The following PER2 variants were observed in gnomAD, a reference collection of about 807,000 sequenced individuals.
PER2 encodes period circadian regulator 2, also known as period circadian protein homolog 2.
PER2 carries 66 observed loss-of-function variants against 121.0 expected under a neutral mutation model. The observed-to-expected ratio is 0.55, with a 90% CI of 0.45 to 0.67. The LOEUF (loss-of-function observed/expected upper bound fraction) is 0.67, where lower values mean the gene tolerates loss of function less well. Among genes scored for constraint, PER2 ranks in the 30% least tolerant of loss-of-function variants. The pLI, the probability that PER2 is intolerant of heterozygous loss-of-function variation, is 0.00. For synonymous variants in PER2, 684 were observed against 659.9 expected, an observed-to-expected ratio of 1.04 and a Z score of -0.56; for missense variants, 1,521 against 1,635.0, an observed-to-expected ratio of 0.93 and a Z score of 1.20.
chr2:238,255,519 C>G, intron 18 of PER2, 138 bp downstream of exon 18: 1 of 901,426 alleles, frequency 1.1e-6, no homozygotes, highest in South Asian at 1.3e-5. Flanking sequence ...ATGGCGTTGC[C>G]AGGGAAGTTC....
chr2:238,250,519 C>A (rs1342632796), intron 21 of PER2, 32 bp downstream of exon 21: 1 of 1,542,344 alleles, frequency 6.5e-7, no homozygotes, highest in Non-Finnish European at 8.9e-7. Flanking sequence ...CCCATCCCTC[C>A]CCAGGTGCCT....
In PER2 at chr2:238,268,086, G is replaced by A. The variant is rs776352557; in HGVS notation, c.937C>T (p.Leu313=). ...TAACCAGAGTGCACTCTCTCTGCCA[G>A]CAGAAGGCAGCAAAGCTGACTCTCA... ...GAESQLCCLL[L]AERVHSGYEA... The change falls in exon 8 of 23, where the codon CTG becomes TTG. Residue 313 remains leucine, a synonymous_variant. Coordinates refer to ENST00000254657, the MANE Select transcript of PER2 (RefSeq NM_022817.3). The surrounding 1 kb of genome is among the most constrained non-coding windows in gnomAD (Gnocchi z 4.0). 19 of 1,613,976 alleles carry A rather than the reference G, an allele frequency of 1.2e-5. No individual in the cohort carries two copies. The highest frequency in any genetic ancestry group is 1.6e-5 in the Non-Finnish European group (19 of 1,180,020).
intron 1 of PER2, among the ~76,000 whole-genome samples, chr2:238,283,121 G>A (rs1050129807): frequency 6.6e-6 from 1 of 152,248 alleles, no homozygotes. Context: ...GGATAGGAGG[G>A]AGAGCTCGCT....
chr2:238,294,548 C>A (rs190026330), upstream of PER2, among the ~76,000 whole-genome samples: 1 of 152,358 alleles, frequency 6.6e-6, no homozygotes, highest in Admixed American at 6.5e-5. Flanking sequence ...AGGCATCACG[C>A]TTGGCGCTTG....
chr2:238,246,327 C>T lies in PER2; in HGVS notation c.*48G>A, dbSNP rs1030609497. The stretch of plus-strand genomic sequence containing the variant: ...ATGAAGATCTTTCATCTCTTCCAAG[C>T]ACCACCTGGTGTACCTCGCTGGCTG... On this transcript the variant is annotated 3_prime_UTR_variant, in exon 23 of 23. Coordinates refer to ENST00000254657, the MANE Select transcript of PER2 (RefSeq NM_022817.3). The T allele has an allele frequency of 2.8e-6, 4 of 1,451,642 alleles. No individual in the cohort carries two copies. The Admixed American group carries it at 8.9e-5, about 32-fold the overall frequency. 89.9% of individuals were successfully genotyped at this position (1,451,642 alleles called of 1,614,324 possible).
Position 238,253,482 on chromosome 2 carries a change from G to T in PER2, c.2541C>A (p.Pro847=). Reference sequence around the variant, plus strand: ...GTGAATAAGCTGCTGGCACTGGGGCGGGAAAGGGCACGGCTGGGCAGCTGG... The same window carrying T: ...GTGAATAAGCTGCTGGCACTGGGGCTGGAAAGGGCACGGCTGGGCAGCTGG... The part of the protein sequence containing the change: ...SQSSCPAVPF[P]APVPAAYSLP... The change falls in exon 19 of 23, where the codon CCC becomes CCA. Residue 847 remains proline (P), a synonymous_variant. Coordinates refer to ENST00000254657, the MANE Select transcript of PER2 (RefSeq NM_022817.3). This position sits in a 1 kb window ranked among gnomAD's most constrained non-coding sequence, Gnocchi z 5.6. The T allele has an allele frequency of 6.2e-7, 1 of 1,612,808 alleles. No homozygotes were observed. The highest frequency in any genetic ancestry group is 8.5e-7 in the Non-Finnish European group (1 of 1,179,554).
At chr2:238,249,630 G>C (rs2106363841) in intron 21 of PER2, among the ~76,000 whole-genome samples, 1 of 152,302 alleles carries the variant, frequency 6.6e-6, no homozygotes, top group Non-Finnish European at 1.5e-5. Context: ...TTAGGGGTTT[G>C]ATATGGTTTG....
intron 10 of PER2, 58 bp downstream of exon 10, chr2:238,262,894 C>A: frequency 1.7e-6 from 2 of 1,210,894 alleles, no homozygotes; most frequent in Non-Finnish European, 2.4e-6. Context: ...GAAGCAGCCC[C>A]AAGGACACAG....
rs55704277 is a variant in PER2, at chr2:238,253,541, C to T, written c.2482G>A (p.Ala828Thr). ...GTGTCTGAGGGTGACCAGGCTGTGG[C>T]GTTCAAGCCCACCAGCGGGGGCCGG... is the stretch of plus-strand genomic sequence containing the variant. Reference protein sequence around the residue: ...SARPPLVGLNATAWSPSDTSQ... With the variant: ...SARPPLVGLNTTAWSPSDTSQ... Residue 828 changes from alanine to threonine, a missense_variant, in exon 19 of 23, where the codon GCC becomes ACC. By Grantham distance (58) the Ala-to-Thr change is moderately conservative. Transcript: ENST00000254657. This position sits in a 1 kb window ranked among gnomAD's most constrained non-coding sequence, Gnocchi z 5.6. The T allele has an allele frequency of 5.9e-3, 9,499 of 1,611,014 alleles. 484 individuals are homozygous for T. In the African/African-American group the frequency reaches 0.11, roughly 19 times the overall value.
intron 9 of PER2, among the ~76,000 whole-genome samples, chr2:238,264,014 G>T (rs1270498597): frequency 6.6e-6 from 1 of 151,198 alleles, no homozygotes; most frequent in Non-Finnish European, 1.5e-5. Flanking sequence ...CAGAAAGGGG[G>T]TGGAGGGTGA....
Position 238,266,157 on chromosome 2 carries a change from C to T in PER2, c.968-567G>A, listed in dbSNP as rs745962260. 9.3e-4 allele frequency among the ~76,000 whole-genome samples: 142 copies of T among 152,326 alleles called. 2 individuals are homozygous for T. Among genetic ancestry groups the T allele is most frequent in the Admixed American group, 6.1e-3 (94 of 15,304 alleles). On this transcript the variant is annotated intron_variant, in intron 8 of 22. Transcript: ENST00000254657. ...TGACCTCGTGATCCGCCCACCTTGGCCTCCCAAAGTGCTGGGACTACAGGC... is the reference window on the plus strand; with the variant it reads ...TGACCTCGTGATCCGCCCACCTTGGTCTCCCAAAGTGCTGGGACTACAGGC...
In PER2 at chr2:238,273,206, G is replaced by T. The variant is rs1220394065; in HGVS notation, c.449-15C>A. The T allele has an allele frequency of 2.5e-6, 4 of 1,610,872 alleles. No individual in the cohort carries two copies. In the South Asian group the frequency reaches 4.4e-5, roughly 18 times the overall value. On this transcript the variant is annotated splice_polypyrimidine_tract_variant and intron_variant, in intron 4 of 22. Transcript: ENST00000254657. ...CTCTTCATTGGCTGCAGGAGAGACA[G>T]TGTTCACTCAGTGGGCAGAACCCAG...
At position 238,273,060 on chromosome 2, in the gene PER2, A is replaced by T. The variant is rs1274740129; in HGVS notation, c.570+10T>A. On this transcript the variant is annotated intron_variant, in intron 5 of 22. Transcript: ENST00000254657. ...CATTTTAGAAAGAAACTTTGCGGAA[A>T]GAGGCTTACGGCATTCTTCACAATG... is the stretch of plus-strand genomic sequence containing the variant. 6.2e-7 allele frequency: 1 copy of T among 1,614,004 alleles called. No individual in the cohort carries two copies. Among genetic ancestry groups the T allele is most frequent in the East Asian group, 2.2e-5 (1 of 44,900 alleles).
intron 10 of PER2, 86 bp from the exon 11 acceptor site, chr2:238,262,430 C>T (rs1185643116): frequency 7.3e-7 from 1 of 1,366,990 alleles, no homozygotes; most frequent in African/African-American, 1.4e-5. Context: ...GTCACTCAGG[C>T]CCAGGATCAT....
At position 238,260,000 on chromosome 2, in the gene PER2, T is replaced by C. The variant is rs755879502; in HGVS notation, c.1596A>G (p.Glu532=). The part of the protein sequence containing the change: ...KTKNRSHYSH[E]SGEQKKKSVT... The stretch of plus-strand genomic sequence containing the variant: ...CGGATTTTTTCTTTTGTTCTCCAGA[T>C]TCATGAGAATAATGACTTCTATTTT... The change falls in exon 14 of 23, where the codon GAA becomes GAG. Residue 532 remains glutamate (E), a synonymous_variant. Coordinates refer to ENST00000254657, the MANE Select transcript of PER2 (RefSeq NM_022817.3). The C allele has an allele frequency of 6.6e-7, 1 of 1,510,362 alleles. No homozygotes were observed. The highest frequency in any genetic ancestry group is 9.2e-7 in the Non-Finnish European group (1 of 1,090,484). The allele number at this position is 1,510,362 out of a possible 1,614,324, so 93.6% of individuals were successfully genotyped here. A position where few individuals can be genotyped will look rare whatever the true frequency, so the allele number is the denominator to read the frequency against.
intron 9 of PER2, among the ~76,000 whole-genome samples, chr2:238,264,394 G>A (rs1186379611): frequency 3.3e-5 from 5 of 152,184 alleles, no homozygotes; most frequent in South Asian, 2.1e-4. Flanking sequence ...TGGAAGTGAC[G>A]GATCCCTTTT....
At position 238,253,516 on chromosome 2, in the gene PER2, G is replaced by A. The variant is rs201200083; in HGVS notation, c.2507C>T (p.Thr836Met). Residue 836 changes from threonine (T) to methionine (M), a missense_variant, in exon 19 of 23, where the codon ACG (threonine) becomes ATG (methionine). Transcript: ENST00000254657. The surrounding 1 kb of genome is among the most constrained non-coding windows in gnomAD (Gnocchi z 5.6). ...CACGGCTGGGCAGCTGGACTGGGAC[G>A]TGTCTGAGGGTGACCAGGCTGTGGC... is the stretch of plus-strand genomic sequence containing the variant. ...LNATAWSPSD[T>M]SQSSCPAVPF... 3.1e-6 allele frequency: 5 copies of A among 1,611,406 alleles called. No homozygotes were observed. Among genetic ancestry groups the A allele is most frequent in the East Asian group, 4.5e-5 (2 of 44,812 alleles).
chr2:238,258,539 G>A lies in PER2; in HGVS notation c.1733C>T (p.Thr578Ile). The A allele has an allele frequency of 3.1e-6, 5 of 1,614,220 alleles. No homozygotes were observed. Among genetic ancestry groups the A allele is most frequent in the Non-Finnish European group, 4.2e-6 (5 of 1,180,032 alleles). Residue 578 changes from threonine to isoleucine, a missense_variant, in exon 15 of 23, where the codon ACC becomes ATC. Thr to Ile is a moderately conservative substitution (Grantham distance 89). Transcript: ENST00000254657. The stretch of plus-strand genomic sequence containing the variant: ...GCAGCTGATCTGCTGGTAGGAGCAG[G>A]TGGGCTGGTTCTTGCAGGCCAACTC... The part of the protein sequence containing the change: ...PEELACKNQP[T>I]CSYQQISCLD...
At chr2:238,286,472 CATA>C (rs1004145941) in intron 1 of PER2, among the ~76,000 whole-genome samples, 3 of 151,214 alleles carry the variant, frequency 2.0e-5, no homozygotes, top group African/African-American at 7.3e-5. Flanking sequence ...ACACGATGAG[CATA>C]ATGAGTTGAA....
Sources: gnomAD v4.1 joint callset for allele counts (sites outside exome capture counted in the v4.1 genomes callset) on GRCh38, gnomAD v4.1.1 for gene constraint, Gnocchi (gnomAD v3.1) non-coding constraint, MANE v1.5 for transcripts, NCBI Gene and HGNC (gene_info 2026-07-23, HGNC 2026-07-21) for gene names.